STOX2: variants seen among roughly 807,000 people sequenced by gnomAD.
STOX2 encodes the protein storkhead-box protein 2.
In STOX2, 28 loss-of-function variants were observed where a neutral mutation model predicts 60.9. The ratio of observed to expected loss-of-function variants is 0.46; its 90% CI spans 0.34 to 0.63. The LOEUF is 0.63. STOX2 is among the 30% of genes least tolerant of loss of function. The pLI, the probability that STOX2 is intolerant of heterozygous loss-of-function variation, is 0.01. For synonymous variants in STOX2, 472 were observed against 463.9 expected (o/e 1.02, Z -0.22); for missense variants, 1,024 against 1,187.7 (o/e 0.86, Z 2.03).
At position 184,011,019 on chromosome 4, in the gene STOX2, C is replaced by T. The variant is rs375376730; in HGVS notation, c.2181C>T (p.His727=). The change falls in exon 3 of 4, where the codon CAC becomes CAT. Residue 727 remains histidine (H), a synonymous_variant. Transcript: ENST00000308497. This position sits in a 1 kb window ranked among gnomAD's most constrained non-coding sequence, Gnocchi z 4.4. ...HKSSLSLLKS[H]PKTPADTLPG... Reference sequence around the variant, plus strand: ...CGAGCCTGTCCCTCCTCAAATCTCACCCGAAGACACCTGCTGACACATTGC... The same window carrying T: ...CGAGCCTGTCCCTCCTCAAATCTCATCCGAAGACACCTGCTGACACATTGC... 41 of 1,613,224 alleles carry T rather than the reference C, an allele frequency of 2.5e-5. No homozygotes were observed. Among genetic ancestry groups the T allele is most frequent in the Non-Finnish European group, 3.5e-5 (41 of 1,179,608 alleles).
chr4:183,850,462 CT>C (rs1241515420), intron 1 of STOX2, among the ~76,000 whole-genome samples: 4 of 152,220 alleles, frequency 2.6e-5, no homozygotes, highest in African/African-American at 9.6e-5. Context: ...GGCATGGTGG[CT>C]CACACCTGTA....
chr4:183,832,477 T>C (rs1355127066), intron 1 of STOX2, among the ~76,000 whole-genome samples: 4 of 144,894 alleles, frequency 2.8e-5, no homozygotes, highest in Non-Finnish European at 6.0e-5. Context: ...TAGTAGCCTA[T>C]AACCGACTCT....
chr4:183,906,724 T>C lies in STOX2; in HGVS notation c.-67T>C. ...CCGGGTCGTGCCCGCCGTAGACGGA[T>C]GAAGGAGCGCGCTGCGCCCCGGCGC... On this transcript the variant is annotated 5_prime_UTR_variant, in exon 1 of 4. It removes an upstream start codon present in the reference 5' UTR. Transcript: ENST00000308497. 7.0e-7 allele frequency: 1 copy of C among 1,425,988 alleles called. No homozygotes were observed. The highest frequency in any genetic ancestry group is 9.3e-7 in the Non-Finnish European group (1 of 1,078,332). The allele number at this position is 1,425,988 out of a possible 1,614,324, so 88.3% of individuals were successfully genotyped here.
At chr4:183,872,691 G>A (rs550002969) in intron 1 of STOX2, among the ~76,000 whole-genome samples, 49 of 152,296 alleles carry the variant, frequency 3.2e-4, no homozygotes, top group Non-Finnish European at 5.6e-4. Flanking sequence ...TAGGGTAAGC[G>A]TGCTGCTTTG....
At chr4:184,016,348 A>T (rs1734374491) in intron 3 of STOX2, 1 of 152,490 alleles carries the variant, frequency 6.6e-6, no homozygotes, top group African/African-American at 2.4e-5. Flanking sequence ...GGGACAGAGC[A>T]AGACCTTGAC....
chr4:184,007,043 A>AC (rs1733896590), intron 2 of STOX2, among the ~76,000 whole-genome samples: 2 of 141,682 alleles, frequency 1.4e-5, no homozygotes, highest in African/African-American at 5.7e-5. Flanking sequence ...CAAAACAAAA[A>AC]AAAAATTTTG....
At chr4:183,841,351 T>G (rs1560840669) in intron 1 of STOX2, among the ~76,000 whole-genome samples, 1 of 152,026 alleles carries the variant, frequency 6.6e-6, no homozygotes, top group Non-Finnish European at 1.5e-5. Flanking sequence ...TGTAGGTGCA[T>G]GCCACCATAC....
intron 1 of STOX2, among the ~76,000 whole-genome samples, chr4:183,945,589 C>T (rs1486892598): frequency 1.3e-5 from 2 of 152,082 alleles, no homozygotes; most frequent in African/African-American, 2.4e-5. Flanking sequence ...ATTAGGAACC[C>T]GTAGCAGTTC....
At chr4:183,925,149 G>T (rs1742204614) in intron 1 of STOX2, among the ~76,000 whole-genome samples, 1 of 152,164 alleles carries the variant, frequency 6.6e-6, no homozygotes, top group East Asian at 1.9e-4. Flanking sequence ...CTGATGGGAT[G>T]TCTCCTTTGG....
intron 1 of STOX2, among the ~76,000 whole-genome samples, chr4:183,910,535 C>G (rs1043167310): frequency 2.0e-5 from 3 of 152,076 alleles, no homozygotes; most frequent in African/African-American, 7.2e-5. Context: ...ATGGGCGCCT[C>G]TTTATATTCC....
chr4:183,807,810 A>G (rs1738940862), intron 1 of STOX2, among the ~76,000 whole-genome samples: 2 of 152,182 alleles, frequency 1.3e-5, no homozygotes, highest in South Asian at 4.1e-4. Context: ...CTGGGAGCTG[A>G]AAAAAGGCGA....
At chr4:183,843,668 AT>A (rs1470556534) in intron 1 of STOX2, among the ~76,000 whole-genome samples, 1 of 152,176 alleles carries the variant, frequency 6.6e-6, no homozygotes, top group Non-Finnish European at 1.5e-5. Context: ...ATTCCATATA[AT>A]TTTCACATAT....
intron 1 of STOX2, among the ~76,000 whole-genome samples, chr4:183,819,559 GGGGAGA>G (rs1195402058): frequency 1.4e-5 from 2 of 141,740 alleles, no homozygotes; most frequent in Non-Finnish European, 3.1e-5. Context: ...GGGAGACTGT[GGGGAGA>G]GGGAGAGGGG....
At chr4:183,974,210 T>G (rs1485801746) in intron 1 of STOX2, among the ~76,000 whole-genome samples, 2 of 151,746 alleles carry the variant, frequency 1.3e-5, no homozygotes, top group African/African-American at 4.8e-5. Flanking sequence ...GAGCAACAGC[T>G]AAAGACACCA....
intron 1 of STOX2, among the ~76,000 whole-genome samples, chr4:183,997,564 C>T (rs1733396905): frequency 6.6e-6 from 1 of 152,004 alleles, no homozygotes; most frequent in Admixed American, 6.6e-5. Context: ...GTGTTGGAGG[C>T]AGGAGGGAAG....
In STOX2 at chr4:183,906,645, C is replaced by T. The variant is rs1741620010; in HGVS notation, c.-146C>T. 1 of 906,548 alleles carries T rather than the reference C, an allele frequency of 1.1e-6. No individual in the cohort carries two copies. The highest frequency in any genetic ancestry group is 3.1e-5 in the Admixed American group (1 of 31,928). The allele number at this position is 906,548 out of a possible 1,614,324, so 56.2% of individuals were successfully genotyped here. On this transcript the variant is annotated 5_prime_UTR_variant, in exon 1 of 4. Coordinates refer to ENST00000308497, the MANE Select transcript of STOX2 (RefSeq NM_020225.3). ...GGCGTGGGGAGGGCCGGACCCGCCG[C>T]TGGCGGTGTAGACGCCGACGAGGAG...
chr4:183,828,914 G>A (rs763998425), intron 1 of STOX2, among the ~76,000 whole-genome samples: 4 of 152,220 alleles, frequency 2.6e-5, no homozygotes, highest in Non-Finnish European at 4.4e-5. Context: ...AACCTACCAC[G>A]GACGCCAGAC....
rs929806632 is a variant in STOX2, at chr4:184,009,086, G to T, written c.320-72G>T. 16 of 1,201,460 alleles carry T rather than the reference G, an allele frequency of 1.3e-5. No homozygotes were observed. Among genetic ancestry groups the T allele is most frequent in the Non-Finnish European group, 1.8e-5 (16 of 870,630 alleles). The allele number at this position is 1,201,460 out of a possible 1,614,324, so 74.4% of individuals were successfully genotyped here. On this transcript the variant is annotated intron_variant, in intron 2 of 3. Coordinates refer to ENST00000308497, the MANE Select transcript of STOX2 (RefSeq NM_020225.3). The surrounding 1 kb of genome is among the most constrained non-coding windows in gnomAD (Gnocchi z 4.0). ...TACTTCGCATCTTGGCGAATGAATA[G>T]GATCCTGGAAATCAGGAATCCACAT...
At chr4:183,926,240 AATAAG>A (rs1253292807) in intron 1 of STOX2, among the ~76,000 whole-genome samples, 1 of 152,342 alleles carries the variant, frequency 6.6e-6, no homozygotes, top group East Asian at 1.9e-4. Context: ...AAATTAAGAA[AATAAG>A]ATAAGGGAAT....
Sources: gnomAD v4.1 joint callset for allele counts (sites outside exome capture counted in the v4.1 genomes callset) on GRCh38, gnomAD v4.1.1 for gene constraint, Gnocchi (gnomAD v3.1) non-coding constraint, MANE v1.5 for transcripts, NCBI Gene and HGNC (gene_info 2026-07-23, HGNC 2026-07-21) for gene names.